The following EXOC6B variants were observed in gnomAD, a reference collection of about 807,000 sequenced individuals.
The protein encoded by EXOC6B is SEC15 homolog B.
In EXOC6B, 54 loss-of-function variants were observed where a neutral mutation model predicts 113.5. The observed-to-expected ratio is 0.48, with a 90% CI of 0.38 to 0.60. EXOC6B has a LOEUF of 0.60. Among genes scored for constraint, EXOC6B ranks in the 20% least tolerant of loss-of-function variants. The pLI is 0.00. For missense variants in EXOC6B, 797 were observed against 977.5 expected (o/e 0.82, Z 2.46); for synonymous variants, 357 against 339.0 (o/e 1.05, Z -0.58).
chr2:72,366,139 C>A (rs552830528), intron 19 of EXOC6B, among the ~76,000 whole-genome samples: 1 of 151,696 alleles, frequency 6.6e-6, no homozygotes. Context: ...GGAAAATATA[C>A]GCATGATGGA....
At chr2:72,385,833 T>C (rs1035060212) in intron 18 of EXOC6B, among the ~76,000 whole-genome samples, 1 of 152,066 alleles carries the variant, frequency 6.6e-6, no homozygotes, top group South Asian at 2.1e-4. Flanking sequence ...TTTGTTACAA[T>C]GAATATTATC....
chr2:72,761,832 G>A (rs145980980), intron 1 of EXOC6B, among the ~76,000 whole-genome samples: 2 of 152,238 alleles, frequency 1.3e-5, no homozygotes, highest in East Asian at 3.9e-4. Flanking sequence ...CTGTTCAGGA[G>A]CTAAGGATGG....
At chr2:72,752,421 G>A (rs1197089686) in intron 1 of EXOC6B, among the ~76,000 whole-genome samples, 2 of 151,516 alleles carry the variant, frequency 1.3e-5, no homozygotes, top group African/African-American at 2.4e-5. Flanking sequence ...GATTTCTTTC[G>A]AAACATGCCC....
intron 18 of EXOC6B, among the ~76,000 whole-genome samples, chr2:72,456,716 T>C (rs1014388695): frequency 6.6e-6 from 1 of 152,108 alleles, no homozygotes; most frequent in African/African-American, 2.4e-5. Context: ...TGAGTCCTCA[T>C]CAACTGGGAT....
At chr2:72,349,410 T>A (rs1383014828) in intron 19 of EXOC6B, among the ~76,000 whole-genome samples, 2 of 152,172 alleles carry the variant, frequency 1.3e-5, no homozygotes, top group African/African-American at 4.8e-5. Flanking sequence ...GGCCATGCCA[T>A]AAAGACCAAT....
Position 72,792,688 on chromosome 2 carries a change from T to TA in EXOC6B, c.113+33109dup, listed in dbSNP as rs201301358. ...GTGGTTATATTATTCCAGTTCACAG[T>TA]AAAAAAACCGAGGCTAATGGATGAG... On this transcript the variant is annotated intron_variant, in intron 1 of 21. Transcript: ENST00000272427. Among the ~76,000 whole-genome samples the TA allele has an allele frequency of 3.6e-3, 554 of 152,246 alleles. 8 individuals carry two copies. Among genetic ancestry groups the TA allele is most frequent in the African/African-American group, 0.013 (534 of 41,552 alleles).
At chr2:72,340,714 C>G (rs1251898630) in intron 19 of EXOC6B, among the ~76,000 whole-genome samples, 2 of 152,154 alleles carry the variant, frequency 1.3e-5, no homozygotes, top group Non-Finnish European at 2.9e-5. Flanking sequence ...TGTTAGGTCA[C>G]ATGTGTTTTT....
intron 19 of EXOC6B, among the ~76,000 whole-genome samples, chr2:72,340,547 T>A (rs751480825): frequency 6.6e-6 from 1 of 152,150 alleles, no homozygotes; most frequent in Non-Finnish European, 1.5e-5. Flanking sequence ...TACAGTATTG[T>A]TTCCAGTAAA....
At chr2:72,187,959 A>C (rs1678551789) in intron 20 of EXOC6B, among the ~76,000 whole-genome samples, 1 of 152,192 alleles carries the variant, frequency 6.6e-6, no homozygotes, top group Admixed American at 6.5e-5. Flanking sequence ...AGGCACTTCC[A>C]AGCCTACAAG....
intron 19 of EXOC6B, among the ~76,000 whole-genome samples, chr2:72,353,992 C>T (rs1481545776): frequency 6.6e-6 from 1 of 152,166 alleles, no homozygotes; most frequent in Non-Finnish European, 1.5e-5. Flanking sequence ...GAGCAGCAAG[C>T]TTCGGATCAC....
At chr2:72,364,585 G>C (rs1339482444) in intron 19 of EXOC6B, among the ~76,000 whole-genome samples, 1 of 151,972 alleles carries the variant, frequency 6.6e-6, no homozygotes, top group Non-Finnish European at 1.5e-5. Flanking sequence ...TGCTCTTTTA[G>C]TCTTAACTGA....
intron 16 of EXOC6B, 94 bp from the exon 17 acceptor site, chr2:72,480,844 G>T: frequency 1.6e-6 from 2 of 1,287,718 alleles, no homozygotes; most frequent in Non-Finnish European, 2.1e-6. Flanking sequence ...CAAATGTAAG[G>T]CATAATGGAA....
chr2:72,740,164 C>G (rs534467584), intron 2 of EXOC6B, among the ~76,000 whole-genome samples: 1 of 152,212 alleles, frequency 6.6e-6, no homozygotes, highest in African/African-American at 2.4e-5. Flanking sequence ...AATATAATGT[C>G]TGACAGCCCA....
At chr2:72,431,834 C>A (rs894067330) in intron 18 of EXOC6B, among the ~76,000 whole-genome samples, 1 of 151,938 alleles carries the variant, frequency 6.6e-6, no homozygotes, top group African/African-American at 2.4e-5. Flanking sequence ...TGTGTGATGA[C>A]CCCCTACCTG....
intron 7 of EXOC6B, 72 bp downstream of exon 7, chr2:72,575,420 T>C: frequency 7.2e-7 from 1 of 1,382,894 alleles, no homozygotes; most frequent in South Asian, 1.4e-5. Context: ...ATGGATAAAC[T>C]CTTCATCACA....
chr2:72,349,620 A>G (rs1178297896), intron 19 of EXOC6B, among the ~76,000 whole-genome samples: 1 of 152,208 alleles, frequency 6.6e-6, no homozygotes, highest in Non-Finnish European at 1.5e-5. Context: ...AGAGGGAGAC[A>G]CACTCAGATT....
chr2:72,806,447 G>T (rs1685579573), intron 1 of EXOC6B, among the ~76,000 whole-genome samples: 1 of 152,178 alleles, frequency 6.6e-6, no homozygotes, highest in Admixed American at 6.5e-5. Context: ...CAAAGACCAA[G>T]TTGATTCTAT....
At chr2:72,481,835 T>C (rs1699117755) in intron 16 of EXOC6B, among the ~76,000 whole-genome samples, 2 of 152,110 alleles carry the variant, frequency 1.3e-5, no homozygotes, top group Admixed American at 1.3e-4. Flanking sequence ...AAAAAAAAAG[T>C]TGTCTTCTAT....
chr2:72,295,843 T>C (rs1285651472), intron 20 of EXOC6B, among the ~76,000 whole-genome samples: 1 of 152,136 alleles, frequency 6.6e-6, no homozygotes, highest in Non-Finnish European at 1.5e-5. Context: ...TTATTGTACA[T>C]AAAATTAAGA....
Sources: gnomAD v4.1 joint callset for allele counts (sites outside exome capture counted in the v4.1 genomes callset) on GRCh38, gnomAD v4.1.1 for gene constraint, MANE v1.5 for transcripts, NCBI Gene and HGNC (gene_info 2026-07-23, HGNC 2026-07-21) for gene names.